RARB: variants seen among roughly 807,000 people sequenced by gnomAD.
RARB encodes retinoic acid receptor beta.
RARB carries 17 observed loss-of-function variants against 51.9 expected under a neutral mutation model. The observed-to-expected ratio is 0.33, with a 90% CI of 0.22 to 0.49. RARB has a LOEUF of 0.49. Among genes scored for constraint, RARB ranks in the 20% least tolerant of loss-of-function variants. The probability of loss-of-function intolerance (pLI) is 0.99; values close to 1 mark genes in which losing one functional copy is unlikely to be tolerated. For missense variants in RARB, 369 were observed against 550.8 expected, an observed-to-expected ratio of 0.67 and a Z score of 3.30; for synonymous variants, 215 against 195.4, an observed-to-expected ratio of 1.10 and a Z score of -0.84.
intron 5 of RARB, chr3:25,259,991 C>T (rs991939152): frequency 2.2e-4 from 216 of 985,254 alleles, no homozygotes; most frequent in Admixed American, 2.5e-4. Context: ...CAGCCTTTTA[C>T]TCTCCTCAGT....
chr3:25,509,795 T>C (rs1311744488), intron 3 of RARB, among the ~76,000 whole-genome samples: 22 of 152,166 alleles, frequency 1.4e-4, no homozygotes, highest in Admixed American at 1.4e-3. Flanking sequence ...GAGCCCAAGC[T>C]AAATCGCCAC....
chr3:25,407,584 G>A (rs1340157791), intron 5 of RARB, among the ~76,000 whole-genome samples: 1 of 152,086 alleles, frequency 6.6e-6, no homozygotes, highest in Non-Finnish European at 1.5e-5. Context: ...GCCTATCTTA[G>A]TTCTGTTCTT....
intron 5 of RARB, among the ~76,000 whole-genome samples, chr3:25,181,629 G>C (rs1410103781): frequency 6.6e-6 from 1 of 152,152 alleles, no homozygotes; most frequent in Non-Finnish European, 1.5e-5. Context: ...AGGCATTCCT[G>C]TTAAGAACCA....
At chr3:25,013,287 A>C in intron 2 of RARB, among the ~76,000 whole-genome samples, 1 of 152,240 alleles carries the variant, frequency 6.6e-6, no homozygotes, top group East Asian at 1.9e-4. Flanking sequence ...CCTTATGTCA[A>C]CCTGGGAACC....
intron 2 of RARB, among the ~76,000 whole-genome samples, chr3:24,914,630 T>C (rs1289254817): frequency 6.6e-6 from 1 of 152,208 alleles, no homozygotes; most frequent in Non-Finnish European, 1.5e-5. Flanking sequence ...CTGTATACTT[T>C]AAATCATCTC....
chr3:25,089,039 A>G (rs1699151288), intron 3 of RARB, among the ~76,000 whole-genome samples: 1 of 152,018 alleles, frequency 6.6e-6, no homozygotes, highest in Admixed American at 6.6e-5. Context: ...AGTCTGTGAA[A>G]CTTTCTAAGT....
At chr3:25,403,225 G>A (rs572359290) in intron 5 of RARB, among the ~76,000 whole-genome samples, 6 of 151,658 alleles carry the variant, frequency 4.0e-5, no homozygotes, top group African/African-American at 9.7e-5. Flanking sequence ...ACTGTAGTCA[G>A]TAATAACTCC....
At chr3:25,048,385 T>C (rs1038244748) in intron 2 of RARB, among the ~76,000 whole-genome samples, 1 of 152,206 alleles carries the variant, frequency 6.6e-6, no homozygotes, top group Non-Finnish European at 1.5e-5. Context: ...CCATCCAATA[T>C]ATGATATCTT....
At chr3:24,888,391 A>C (rs1309009935) in intron 2 of RARB, among the ~76,000 whole-genome samples, 1 of 152,144 alleles carries the variant, frequency 6.6e-6, no homozygotes, top group Non-Finnish European at 1.5e-5. Flanking sequence ...GAACCTAGCC[A>C]GTTACAGCTT....
chr3:25,112,274 G>A (rs544790242), intron 3 of RARB, among the ~76,000 whole-genome samples: 12 of 152,054 alleles, frequency 7.9e-5, no homozygotes, highest in East Asian at 3.9e-4. Flanking sequence ...CAAATATAGA[G>A]GCCACATGAT....
chr3:25,361,496 C>G (rs2125464006), intron 5 of RARB, among the ~76,000 whole-genome samples: 1 of 152,310 alleles, frequency 6.6e-6, no homozygotes, highest in East Asian at 1.9e-4. Flanking sequence ...TTATCAAACT[C>G]ATTCTCCATC....
At chr3:25,354,894 T>C (rs201867065) in intron 5 of RARB, among the ~76,000 whole-genome samples, 2 of 151,694 alleles carry the variant, frequency 1.3e-5, no homozygotes, top group Non-Finnish European at 2.9e-5. Flanking sequence ...TTTTTTTTTT[T>C]TCTTTTCCTT....
intron 5 of RARB, among the ~76,000 whole-genome samples, chr3:25,390,715 C>T (rs1457089770): frequency 2.6e-5 from 4 of 152,084 alleles, no homozygotes; most frequent in African/African-American, 9.7e-5. Flanking sequence ...TCAAAGGAAA[C>T]AGTTAAAAAT....
At chr3:25,127,520 T>C (rs1264926431) in intron 3 of RARB, among the ~76,000 whole-genome samples, 3 of 152,176 alleles carry the variant, frequency 2.0e-5, no homozygotes, top group Non-Finnish European at 4.4e-5. Context: ...CCCTTACCAC[T>C]GTCTGAAAGT....
intron 1 of RARB, among the ~76,000 whole-genome samples, chr3:24,855,045 A>G (rs577785021): frequency 2.0e-5 from 3 of 152,180 alleles, no homozygotes; most frequent in East Asian, 1.9e-4. Flanking sequence ...TAAGTAAATC[A>G]CTCCAAGTGA....
chr3:25,488,414 A>G (rs913448002), intron 2 of RARB, among the ~76,000 whole-genome samples: 12 of 152,222 alleles, frequency 7.9e-5, no homozygotes, highest in Non-Finnish European at 1.3e-4. Flanking sequence ...GGATGAGTTC[A>G]AAATAAACAC....
intron 5 of RARB, among the ~76,000 whole-genome samples, chr3:25,305,593 T>C (rs566353703): frequency 4.9e-4 from 75 of 152,246 alleles, no homozygotes; most frequent in Non-Finnish European, 4.7e-4. Context: ...GCTCTGAACC[T>C]TTAGTAGAAT....
intron 1 of RARB, among the ~76,000 whole-genome samples, chr3:25,445,946 A>T (rs548291975): frequency 3.9e-5 from 6 of 152,360 alleles, no homozygotes; most frequent in Admixed American, 2.6e-4. Flanking sequence ...GCTCTAAAAA[A>T]ATCCATGTAA....
At chr3:25,456,537 G>C (rs1236762992) in intron 1 of RARB, among the ~76,000 whole-genome samples, 2 of 138,340 alleles carry the variant, frequency 1.4e-5, no homozygotes, top group Non-Finnish European at 3.0e-5. Flanking sequence ...TTGGTGATCT[G>C]ACAGACTATA....
Sources: gnomAD v4.1 joint callset for allele counts (sites outside exome capture counted in the v4.1 genomes callset) on GRCh38, gnomAD v4.1.1 for gene constraint, MANE v1.5 for transcripts, NCBI Gene and HGNC (gene_info 2026-07-23, HGNC 2026-07-21) for gene names.